BIN3: variants seen among roughly 807,000 people sequenced by gnomAD.
The protein encoded by BIN3 is bridging integrator 3.
A neutral mutation model predicts 38.2 loss-of-function variants in BIN3; 41 were observed. The observed-to-expected ratio is 1.07, with a 90% confidence interval of 0.84 to 1.39. BIN3 has a LOEUF of 1.39. Ranked by LOEUF, BIN3 falls within the 40% of genes most tolerant of loss-of-function variation. The pLI is 0.00. For synonymous variants in BIN3, 145 were observed against 122.6 expected, an observed-to-expected ratio of 1.18 and a Z score of -1.21; for missense variants, 361 against 324.3, an observed-to-expected ratio of 1.11 and a Z score of -0.87.
At chr8:22,650,974 C>T (rs1359340327) in intron 1 of BIN3, among the ~76,000 whole-genome samples, 2 of 152,114 alleles carry the variant, frequency 1.3e-5, no homozygotes, top group African/African-American at 4.8e-5. Context: ...CCTTGGGAGC[C>T]AGCAGATTGT....
At chr8:22,627,652 A>AC (rs5890060) in intron 6 of BIN3, among the ~76,000 whole-genome samples, 55,721 of 151,262 alleles carry the variant, frequency 0.37, 10,478 homozygotes, top group South Asian at 0.5. Flanking sequence ...AGCGCACTTC[A>AC]CCCCTCCTCT....
At chr8:22,647,457 G>A (rs1274721531) in intron 1 of BIN3, among the ~76,000 whole-genome samples, 8 of 152,188 alleles carry the variant, frequency 5.3e-5, no homozygotes, top group East Asian at 3.8e-4. Context: ...AGAGAACAAG[G>A]AAGAAGCAAC....
At chr8:22,664,129 T>G (rs1803335365) in intron 1 of BIN3, among the ~76,000 whole-genome samples, 1 of 152,238 alleles carries the variant, frequency 6.6e-6, no homozygotes, top group Non-Finnish European at 1.5e-5. Context: ...ACCAAAATCA[T>G]GAGTTTGGGA....
intron 6 of BIN3, among the ~76,000 whole-genome samples, chr8:22,628,554 G>T (rs563695989): frequency 6.6e-6 from 1 of 152,198 alleles, no homozygotes; most frequent in African/African-American, 2.4e-5. Context: ...CCTGGCAGGT[G>T]GTGGGCCACC....
Position 22,629,963 on chromosome 8 carries a change from C to T in BIN3, c.338+1G>A. ...GAGGCCCCCAGGTGACATTTACTCA[C>T]TTTTTTAAGGGCTCGATCACAGTCT... On this transcript the variant is annotated splice_donor_variant, in intron 6 of 8. Transcript: ENST00000276416. LOFTEE classifies it high-confidence loss of function. The T allele has an allele frequency of 1.2e-6, 2 of 1,607,576 alleles. No homozygotes were observed. The highest frequency in any genetic ancestry group is 1.7e-6 in the Non-Finnish European group (2 of 1,176,672).
chr8:22,628,552 G>A (rs988468639), intron 6 of BIN3, among the ~76,000 whole-genome samples: 6 of 152,216 alleles, frequency 3.9e-5, no homozygotes, highest in Non-Finnish European at 7.4e-5. Flanking sequence ...TTCCTGGCAG[G>A]TGGTGGGCCA....
At chr8:22,645,339 G>A (rs1007305660) in intron 1 of BIN3, among the ~76,000 whole-genome samples, 1 of 151,858 alleles carries the variant, frequency 6.6e-6, no homozygotes, top group African/African-American at 2.4e-5. Context: ...AAAATTAGCC[G>A]GGCGTGGTGG....
intron 1 of BIN3, among the ~76,000 whole-genome samples, chr8:22,652,867 C>G (rs1389698506): frequency 2.0e-5 from 3 of 152,066 alleles, no homozygotes; most frequent in African/African-American, 7.2e-5. Context: ...GTTTGGTTGC[C>G]TCTTCATGTG....
At chr8:22,634,009 C>CGGT (rs1200316830) in intron 4 of BIN3, among the ~76,000 whole-genome samples, 27 of 152,216 alleles carry the variant, frequency 1.8e-4, no homozygotes, top group African/African-American at 6.5e-4. Flanking sequence ...CAGCCATGGA[C>CGGT]GGTGCGTCAC....
At chr8:22,660,516 G>GA (rs1305764944) in intron 1 of BIN3, among the ~76,000 whole-genome samples, 1 of 152,160 alleles carries the variant, frequency 6.6e-6, no homozygotes, top group African/African-American at 2.4e-5. Flanking sequence ...CTTCTCTGCT[G>GA]AAAGTTTGGC....
At chr8:22,660,261 T>C (rs750910796) in intron 1 of BIN3, among the ~76,000 whole-genome samples, 2 of 152,280 alleles carry the variant, frequency 1.3e-5, no homozygotes, top group Non-Finnish European at 2.9e-5. Flanking sequence ...ATTCTCATTC[T>C]AGTCTGTAAG....
At chr8:22,652,728 A>T (rs1272092394) in intron 1 of BIN3, among the ~76,000 whole-genome samples, 63 of 152,262 alleles carry the variant, frequency 4.1e-4, no homozygotes, top group Admixed American at 4.1e-3. Context: ...CAGAGAAAAG[A>T]GCAAAACAAA....
At chr8:22,640,022 T>C (rs915326706) in intron 2 of BIN3, among the ~76,000 whole-genome samples, 7 of 148,472 alleles carry the variant, frequency 4.7e-5, no homozygotes, top group African/African-American at 1.7e-4. Context: ...CCACCGCGCC[T>C]GGCTAATTTT....
At chr8:22,635,581 C>T (rs1260330025) in intron 4 of BIN3, among the ~76,000 whole-genome samples, 1 of 152,104 alleles carries the variant, frequency 6.6e-6, no homozygotes, top group African/African-American at 2.4e-5. Flanking sequence ...CGAGAGCTGA[C>T]CCGTGCCAGG....
At chr8:22,646,436 G>A (rs1179919890) in intron 1 of BIN3, among the ~76,000 whole-genome samples, 1 of 151,966 alleles carries the variant, frequency 6.6e-6, no homozygotes, top group Non-Finnish European at 1.5e-5. Context: ...CTTTCCTTTG[G>A]CCCAAACTGA....
chr8:22,651,073 C>T (rs1802875186), intron 1 of BIN3, among the ~76,000 whole-genome samples: 1 of 152,202 alleles, frequency 6.6e-6, no homozygotes, highest in African/African-American at 2.4e-5. Flanking sequence ...AAAGCTCCAG[C>T]TATGCCACTC....
At chr8:22,631,618 C>T (rs1017574476) in intron 4 of BIN3, among the ~76,000 whole-genome samples, 8 of 152,250 alleles carry the variant, frequency 5.3e-5, no homozygotes, top group African/African-American at 1.9e-4. Context: ...AGCTGCTTCC[C>T]TGTTCACTGC....
intron 6 of BIN3, among the ~76,000 whole-genome samples, chr8:22,628,239 T>C (rs1460467730): frequency 1.3e-5 from 2 of 152,184 alleles, no homozygotes; most frequent in East Asian, 3.9e-4. Flanking sequence ...AGACTGGGGA[T>C]TAGAGGCCGA....
intron 1 of BIN3, 200 bp from the exon 2 acceptor site, chr8:22,645,003 C>G (rs1802671309): frequency 1.9e-6 from 1 of 526,992 alleles, no homozygotes; most frequent in Non-Finnish European, 3.5e-6. Flanking sequence ...GTCCTCCCAC[C>G]TACAGTGTCA....
Sources: gnomAD v4.1 joint callset for allele counts (sites outside exome capture counted in the v4.1 genomes callset) on GRCh38, gnomAD v4.1.1 for gene constraint, MANE v1.5 for transcripts, NCBI Gene and HGNC (gene_info 2026-07-23, HGNC 2026-07-21) for gene names.